The following USP25 variants were observed in gnomAD, a reference collection of about 807,000 sequenced individuals.
USP25 encodes ubiquitin carboxyl-terminal hydrolase 25.
A neutral mutation model predicts 158.5 loss-of-function variants in USP25; 85 were observed. That is an observed-to-expected ratio of 0.54 (90% CI 0.45 to 0.64). The LOEUF is 0.64. USP25 is among the 30% of genes least tolerant of loss of function. The pLI is 0.00. For synonymous variants in USP25, 464 were observed against 460.4 expected, an observed-to-expected ratio of 1.01 and a Z score of -0.10; for missense variants, 1,242 against 1,327.3, an observed-to-expected ratio of 0.94 and a Z score of 1.00.
rs377178345 is a variant in USP25 at position 15,824,972 on chromosome 21, G to A, written c.1215G>A (p.Met405Ile). The A allele has an allele frequency of 1.9e-6, 3 of 1,606,594 alleles. No individual in the cohort carries two copies. In the African/African-American group the frequency reaches 4.0e-5, roughly 22 times the overall value. ...FPQVLYLDRY[M>I]HRNREITRIK... ...GATTACCTTTTTCTGATAGATACATGCACAGAAACAGAGAAATAACAAGAA... is the reference window on the plus strand; with the variant it reads ...GATTACCTTTTTCTGATAGATACATACACAGAAACAGAGAAATAACAAGAA... The change falls in exon 12 of 26, where the codon ATG (methionine) becomes ATA (isoleucine). Residue 405 changes from methionine to isoleucine, a missense_variant. Physicochemically the swap from Met to Ile is conservative, Grantham distance 10 (BLOSUM62 1). Around this residue, in one of 3 missense-constraint regions of USP25, gnomAD observed 627 missense variants for 701.4 expected, o/e 0.89. Coordinates refer to ENST00000400183, the MANE Select transcript of USP25 (RefSeq NM_001283041.3).
Position 15,826,836 on chromosome 21 carries a change from G to C in USP25, c.1467-141G>C, listed in dbSNP as rs778118618. 6.2e-5 allele frequency: 43 copies of C among 697,748 alleles called. 1 individual carries two copies. Among genetic ancestry groups the C allele is most frequent in the Middle Eastern group, 5.4e-4 (2 of 3,704 alleles). The allele number at this position is 697,748 out of a possible 1,614,324, so 43.2% of individuals were successfully genotyped here. On this transcript the variant is annotated intron_variant, in intron 13 of 25. Coordinates refer to ENST00000400183, the MANE Select transcript of USP25 (RefSeq NM_001283041.3). This position sits in a 1 kb window ranked among gnomAD's most constrained non-coding sequence, Gnocchi z 4.8. Reference sequence around the variant, plus strand: ...TTCTTATGTATTAAAAATCTCATTTGGATGTTAGATCAATCCACATATTTC... The same window carrying C: ...TTCTTATGTATTAAAAATCTCATTTCGATGTTAGATCAATCCACATATTTC...
chr21:15,748,372 C>G (rs571028752), intron 1 of USP25, among the ~76,000 whole-genome samples: 20 of 151,980 alleles, frequency 1.3e-4, no homozygotes, highest in Non-Finnish European at 2.6e-4. Context: ...GCCTCAAACT[C>G]CTGGACCCAC....
At chr21:15,866,397 C>G (rs1245611447) in intron 22 of USP25, 53 bp downstream of exon 22, 1 of 1,339,090 alleles carries the variant, frequency 7.5e-7, no homozygotes, top group Non-Finnish European at 1.0e-6. Flanking sequence ...CTGTAATTCA[C>G]TGATATTCCT....
intron 9 of USP25, among the ~76,000 whole-genome samples, chr21:15,815,013 G>T (rs1466560190): frequency 6.6e-6 from 1 of 152,178 alleles, no homozygotes; most frequent in Non-Finnish European, 1.5e-5. Context: ...TTCGTGGGCT[G>T]CCCGTGGTAC....
chr21:15,865,024 T>C (rs2039596720), intron 21 of USP25, among the ~76,000 whole-genome samples: 1 of 152,130 alleles, frequency 6.6e-6, no homozygotes, highest in African/African-American at 2.4e-5. Context: ...CGCAGACATA[T>C]TTTCTCTGGA....
At chr21:15,823,974 T>A (rs1202872415) in intron 10 of USP25, 65 bp from the exon 11 acceptor site, 2 of 1,507,166 alleles carry the variant, frequency 1.3e-6, no homozygotes, top group African/African-American at 2.8e-5. Flanking sequence ...ATCCTGTGCC[T>A]AAGATTGCAG....
Position 15,830,479 on chromosome 21 carries a change from T to C in USP25, c.1694-52T>C, listed in dbSNP as rs143285886. On this transcript the variant is annotated intron_variant, in intron 14 of 25. Transcript: ENST00000400183. ...AGGAAAAACATTAGTCCTTATCTTA[T>C]AAGTAGAAACACATTTGCTGTTAAT... The C allele has an allele frequency of 4.3e-4, 639 of 1,492,080 alleles. 4 individuals are homozygous for C. In the African/African-American group the frequency reaches 6.6e-3, roughly 15 times the overall value. 92.4% of individuals were successfully genotyped at this position (1,492,080 alleles called of 1,614,324 possible). A position where few individuals can be genotyped will look rare whatever the true frequency, so the allele number is the denominator to read the frequency against.
chr21:15,790,816 T>G (rs1025870599), intron 4 of USP25, among the ~76,000 whole-genome samples: 1 of 151,952 alleles, frequency 6.6e-6, no homozygotes, highest in East Asian at 1.9e-4. Context: ...AGCATTACTT[T>G]TGCCATGTTT....
At chr21:15,764,453 A>G (rs1027145691) in intron 2 of USP25, among the ~76,000 whole-genome samples, 7 of 151,966 alleles carry the variant, frequency 4.6e-5, no homozygotes, top group Non-Finnish European at 1.0e-4. Context: ...TAGCTAGGGG[A>G]AAAGAGTGTA....
At chr21:15,757,518 T>G (rs1381522423) in intron 1 of USP25, among the ~76,000 whole-genome samples, 1 of 152,224 alleles carries the variant, frequency 6.6e-6, no homozygotes, top group East Asian at 1.9e-4. Context: ...AGTATTCTTA[T>G]TGCACTTTAT....
chr21:15,793,660 C>G (rs935744962), intron 5 of USP25, among the ~76,000 whole-genome samples: 2 of 151,290 alleles, frequency 1.3e-5, no homozygotes, highest in Admixed American at 6.6e-5. Flanking sequence ...GAGAAGTAAC[C>G]TATAAGCTTA....
intron 10 of USP25, among the ~76,000 whole-genome samples, chr21:15,819,526 G>T (rs573801073): frequency 6.6e-6 from 1 of 152,202 alleles, no homozygotes; most frequent in East Asian, 1.9e-4. Flanking sequence ...GCTGATAGTT[G>T]TCTAGCTGTT....
At chr21:15,863,625 A>G (rs975282686) in intron 20 of USP25, among the ~76,000 whole-genome samples, 7 of 152,220 alleles carry the variant, frequency 4.6e-5, no homozygotes, top group Admixed American at 4.6e-4. Flanking sequence ...ATGTCTGTGA[A>G]TAGACTTTGA....
At chr21:15,797,081 C>G (rs929240716) in intron 5 of USP25, among the ~76,000 whole-genome samples, 1 of 151,260 alleles carries the variant, frequency 6.6e-6, no homozygotes, top group Non-Finnish European at 1.5e-5. Context: ...GTAAATTAAT[C>G]TGGAGAATAT....
In USP25 at chr21:15,736,518, G is replaced by A. The variant is rs181954194; in HGVS notation, c.45+6080G>A. On this transcript the variant is annotated intron_variant, in intron 1 of 25. Coordinates refer to ENST00000400183, the MANE Select transcript of USP25 (RefSeq NM_001283041.3). ...TTATTAGTCTTGTTTTCTCCATTCA[G>A]TTTTGATGGATAGACCAAATTTTCA... Among the ~76,000 whole-genome samples the A allele has an allele frequency of 2.4e-3, 361 of 152,084 alleles. 3 individuals are homozygous for A. The highest frequency in any genetic ancestry group is 8.1e-3 in the African/African-American group (337 of 41,490).
At chr21:15,767,860 C>T (rs535048713) in intron 3 of USP25, among the ~76,000 whole-genome samples, 2 of 152,036 alleles carry the variant, frequency 1.3e-5, no homozygotes, top group South Asian at 4.1e-4. Context: ...GTGTGTCCTG[C>T]ACAAAAGAAG....
intron 20 of USP25, among the ~76,000 whole-genome samples, chr21:15,853,071 C>T (rs1303954822): frequency 1.3e-5 from 2 of 152,164 alleles, no homozygotes; most frequent in African/African-American, 4.8e-5. Flanking sequence ...TCTGCCACTG[C>T]CATGGCCCTA....
chr21:15,790,422 A>C (rs2035529625), intron 4 of USP25, among the ~76,000 whole-genome samples: 1 of 151,992 alleles, frequency 6.6e-6, no homozygotes, highest in African/African-American at 2.4e-5. Flanking sequence ...CCTTGTATCT[A>C]ATGTCTTGTG....
At position 15,861,201 on chromosome 21, in the gene USP25, T is replaced by C. The variant is rs1173482180; in HGVS notation, c.2548-3067T>C. ...TGAACAAGAAAGGATATCACACATA[T>C]GGAGAACTTAAGAAACAAAGGCATG... On this transcript the variant is annotated intron_variant, in intron 20 of 25. Coordinates refer to ENST00000400183, the MANE Select transcript of USP25 (RefSeq NM_001283041.3). Among the ~76,000 whole-genome samples, 7 of 152,120 alleles carry C rather than the reference T, an allele frequency of 4.6e-5. No homozygotes were observed. In the South Asian group the frequency reaches 1.0e-3, roughly 23 times the overall value.
Sources: gnomAD v4.1 joint callset for allele counts (sites outside exome capture counted in the v4.1 genomes callset) on GRCh38, gnomAD v4.1.1 for gene constraint, gnomAD v4.1.1 regional missense constraint, Gnocchi (gnomAD v3.1) non-coding constraint, MANE v1.5 for transcripts, NCBI Gene and HGNC (gene_info 2026-07-23, HGNC 2026-07-21) for gene names.